The following NOL4 variants were observed in gnomAD, a reference collection of about 807,000 sequenced individuals.
The protein encoded by NOL4 is nucleolar protein 4.
Under a neutral mutation model 75.9 loss-of-function variants are expected in NOL4, and 17 were observed. The observed-to-expected ratio is 0.22, with a 90% CI of 0.15 to 0.34. NOL4 has a LOEUF of 0.34. Ranked by LOEUF, NOL4 falls within the 10% of genes least tolerant of loss-of-function variation. NOL4 has a pLI of 1.00. For missense variants in NOL4, 614 were observed against 793.5 expected (o/e 0.77, Z 2.72); for synonymous variants, 292 against 289.9 (o/e 1.01, Z -0.07).
Position 34,021,404 on chromosome 18 carries a change from G to C in NOL4, c.773-1803C>G, listed in dbSNP as rs985964900. Among the ~76,000 whole-genome samples, 3 of 152,094 alleles carry C rather than the reference G, an allele frequency of 2.0e-5. No individual in the cohort carries two copies. The East Asian group carries it at 5.8e-4, about 29-fold the overall frequency. On this transcript the variant is annotated intron_variant, in intron 5 of 10. Transcript: ENST00000261592. ...AGTCACAGAGGTCAGCATATGCAGGGCAAGTGAGAAGTAAGAGTAGTCTGG... is the reference window on the plus strand; with the variant it reads ...AGTCACAGAGGTCAGCATATGCAGGCCAAGTGAGAAGTAAGAGTAGTCTGG...
intron 5 of NOL4, among the ~76,000 whole-genome samples, chr18:34,046,920 G>A (rs1044786329): frequency 1.6e-4 from 24 of 151,762 alleles, no homozygotes; most frequent in Admixed American, 6.6e-5. Context: ...ACTACTAATA[G>A]AAATCACCAA....
chr18:34,142,437 T>C (rs1361037205), intron 1 of NOL4, among the ~76,000 whole-genome samples: 1 of 152,152 alleles, frequency 6.6e-6, no homozygotes, highest in Non-Finnish European at 1.5e-5. Context: ...AACCCAAATG[T>C]CCATCAATGA....
At chr18:34,159,312 C>A (rs1198858504) in intron 1 of NOL4, among the ~76,000 whole-genome samples, 1 of 152,150 alleles carries the variant, frequency 6.6e-6, no homozygotes, top group Non-Finnish European at 1.5e-5. Flanking sequence ...CGGCAACGGC[C>A]GGAGGAGGAA....
At chr18:34,115,847 T>C (rs2079830143) in intron 2 of NOL4, among the ~76,000 whole-genome samples, 1 of 152,110 alleles carries the variant, frequency 6.6e-6, no homozygotes, top group African/African-American at 2.4e-5. Flanking sequence ...AGAATTTCAG[T>C]GTCACCCCAG....
chr18:34,120,026 A>T (rs1202154411), intron 2 of NOL4, among the ~76,000 whole-genome samples: 1 of 152,226 alleles, frequency 6.6e-6, no homozygotes, highest in Admixed American at 6.5e-5. Context: ...ATTACAAACT[A>T]TTGTTTATCT....
chr18:34,103,972 C>T (rs951641453), intron 4 of NOL4, 75 bp downstream of exon 4: 14 of 963,044 alleles, frequency 1.5e-5, no homozygotes, highest in Middle Eastern at 2.7e-4. Context: ...TGCCATCATG[C>T]TTAATATGAT....
chr18:34,090,175 G>A (rs1350296548), intron 5 of NOL4, among the ~76,000 whole-genome samples: 3 of 152,012 alleles, frequency 2.0e-5, no homozygotes, highest in Admixed American at 6.6e-5. Context: ...AGGAAGGACA[G>A]AAGAAAAGAA....
chr18:34,219,329 T>A (rs2037135262), intron 1 of NOL4, among the ~76,000 whole-genome samples: 1 of 152,250 alleles, frequency 6.6e-6, no homozygotes, highest in African/African-American at 2.4e-5. Context: ...CTTTCTTTGC[T>A]TGATACTGAA....
intron 1 of NOL4, among the ~76,000 whole-genome samples, chr18:34,220,288 T>C (rs1214902006): frequency 6.6e-6 from 1 of 152,182 alleles, no homozygotes; most frequent in African/African-American, 2.4e-5. Context: ...CCCTTTTCTC[T>C]TTCCCTTTTC....
At chr18:34,056,853 G>C (rs1258822899) in intron 5 of NOL4, among the ~76,000 whole-genome samples, 1 of 152,086 alleles carries the variant, frequency 6.6e-6, no homozygotes, top group East Asian at 1.9e-4. Context: ...GTCTTCAAGG[G>C]GGGAATTAGG....
chr18:34,048,345 C>G (rs1192514188), intron 5 of NOL4: 3 of 587,656 alleles, frequency 5.1e-6, no homozygotes, highest in Non-Finnish European at 6.4e-6. Context: ...TCAGAGTCTA[C>G]TCCTGTCATT....
In NOL4 at chr18:34,034,316, G is replaced by T. The variant is rs182508985; in HGVS notation, c.773-14715C>A. ...AATGAATTAGATTCTCCTCCTAAAAGATATCGACTTGCTGAGTGAATTTTT... is the reference window on the plus strand; with the variant it reads ...AATGAATTAGATTCTCCTCCTAAAATATATCGACTTGCTGAGTGAATTTTT... On this transcript the variant is annotated intron_variant, in intron 5 of 10. Coordinates refer to ENST00000261592, the MANE Select transcript of NOL4 (RefSeq NM_003787.5). 3.1e-3 allele frequency among the ~76,000 whole-genome samples: 476 copies of T among 152,242 alleles called. 2 individuals carry two copies. Among genetic ancestry groups the T allele is most frequent in the African/African-American group, 0.011 (455 of 41,542 alleles).
intron 8 of NOL4, among the ~76,000 whole-genome samples, chr18:33,949,000 A>T (rs2069025053): frequency 6.6e-6 from 1 of 152,090 alleles, no homozygotes; most frequent in Non-Finnish European, 1.5e-5. Flanking sequence ...TGGCAGAAAA[A>T]AACTGATAAA....
intron 1 of NOL4, among the ~76,000 whole-genome samples, chr18:34,183,793 C>T (rs527489892): frequency 6.6e-6 from 1 of 151,824 alleles, no homozygotes; most frequent in South Asian, 2.1e-4. Flanking sequence ...AGAGAACCCA[C>T]CAGTGGTTAG....
intron 6 of NOL4, among the ~76,000 whole-genome samples, chr18:33,980,541 A>C (rs2071868494): frequency 6.6e-6 from 1 of 151,956 alleles, no homozygotes; most frequent in African/African-American, 2.4e-5. Context: ...GTTGAGTTGG[A>C]GGAAGAAAAT....
intron 2 of NOL4, among the ~76,000 whole-genome samples, chr18:34,119,261 T>G (rs1337916912): frequency 6.6e-6 from 1 of 152,186 alleles, no homozygotes; most frequent in Non-Finnish European, 1.5e-5. Flanking sequence ...CTATCTGACC[T>G]TTGAATGCCT....
chr18:34,213,539 C>T (rs1477713135), intron 1 of NOL4, among the ~76,000 whole-genome samples: 1 of 152,202 alleles, frequency 6.6e-6, no homozygotes, highest in Non-Finnish European at 1.5e-5. Flanking sequence ...CTACCCGCCT[C>T]AGCCTCCCAA....
At chr18:34,022,443 A>T (rs946032954) in intron 5 of NOL4, among the ~76,000 whole-genome samples, 2 of 152,110 alleles carry the variant, frequency 1.3e-5, no homozygotes, top group African/African-American at 4.8e-5. Context: ...TTATTTTAAC[A>T]TGAAATGTCT....
At chr18:34,141,333 C>T (rs899983622) in intron 1 of NOL4, among the ~76,000 whole-genome samples, 3 of 152,118 alleles carry the variant, frequency 2.0e-5, no homozygotes, top group African/African-American at 7.2e-5. Flanking sequence ...GAAAAAACTA[C>T]TTTAAAGTTC....
Sources: allele counts gnomAD v4.1 joint callset (sites outside exome capture counted in the v4.1 genomes callset), GRCh38; gene constraint gnomAD v4.1.1; transcripts MANE v1.5; gene names NCBI Gene and HGNC (gene_info 2026-07-23, HGNC 2026-07-21).